CDH18: variants seen among roughly 807,000 people sequenced by gnomAD.
CDH18 encodes the protein cadherin 18.
CDH18 carries 31 observed loss-of-function variants against 67.9 expected under a neutral mutation model. That is an observed-to-expected ratio of 0.46 (90% CI 0.34 to 0.62). The LOEUF (loss-of-function observed/expected upper bound fraction) is 0.62, where lower values mean the gene tolerates loss of function less well. CDH18 is among the 20% of genes least tolerant of loss of function. CDH18 has a pLI of 0.01. For synonymous variants in CDH18, 362 were observed against 347.2 expected (o/e 1.04, Z -0.48); for missense variants, 890 against 975.5 (o/e 0.91, Z 1.17).
At chr5:20,540,485 T>C (rs1334824447) in intron 1 of CDH18, among the ~76,000 whole-genome samples, 4 of 152,188 alleles carry the variant, frequency 2.6e-5, no homozygotes, top group African/African-American at 9.6e-5. Context: ...TATGTCTATA[T>C]ATGATGTAAT....
chr5:19,492,052 C>G (rs923919311), intron 11 of CDH18, among the ~76,000 whole-genome samples: 2 of 151,768 alleles, frequency 1.3e-5, no homozygotes, highest in African/African-American at 4.8e-5. Context: ...AGTAGATATT[C>G]CTGATAGCAA....
chr5:20,419,480 T>G (rs1431341571), intron 1 of CDH18, among the ~76,000 whole-genome samples: 3 of 80,238 alleles, frequency 3.7e-5, no homozygotes, highest in African/African-American at 1.2e-4. Flanking sequence ...TTTTTTTTTT[T>G]TTTTTTTTTT....
intron 1 of CDH18, among the ~76,000 whole-genome samples, chr5:20,293,796 A>C (rs1484298261): frequency 1.3e-5 from 2 of 152,202 alleles, no homozygotes; most frequent in Non-Finnish European, 2.9e-5. Context: ...TATTATACAA[A>C]TAGTGTATTA....
intron 1 of CDH18, among the ~76,000 whole-genome samples, chr5:20,564,260 TTTTA>T (rs3039398): frequency 0.15 from 20,916 of 141,510 alleles, 1,627 homozygotes; most frequent in Middle Eastern, 0.22. Flanking sequence ...ATTATCACAG[TTTTA>T]TTTATTTATT....
intron 2 of CDH18, among the ~76,000 whole-genome samples, chr5:20,237,127 T>C (rs1742534616): frequency 6.6e-6 from 1 of 151,928 alleles, no homozygotes; most frequent in South Asian, 2.1e-4. Context: ...CCACTATACA[T>C]TCCTAATGAA....
chr5:19,632,026 T>A (rs943947291), intron 5 of CDH18, among the ~76,000 whole-genome samples: 1 of 152,184 alleles, frequency 6.6e-6, no homozygotes, highest in African/African-American at 2.4e-5. Context: ...CCACTCTATA[T>A]GAAAACACCT....
intron 2 of CDH18, among the ~76,000 whole-genome samples, chr5:20,238,841 T>A (rs1742669587): frequency 6.6e-6 from 1 of 152,122 alleles, no homozygotes; most frequent in Non-Finnish European, 1.5e-5. Flanking sequence ...TGATTAAACA[T>A]ATAAAGGCTA....
intron 2 of CDH18, among the ~76,000 whole-genome samples, chr5:20,224,253 A>C (rs1314763501): frequency 6.6e-6 from 1 of 152,140 alleles, no homozygotes; most frequent in East Asian, 1.9e-4. Flanking sequence ...ATCATCAAAC[A>C]ACCACAGGTA....
At chr5:20,471,629 G>A (rs947490353) in intron 1 of CDH18, among the ~76,000 whole-genome samples, 5 of 151,580 alleles carry the variant, frequency 3.3e-5, no homozygotes, top group African/African-American at 1.2e-4. Context: ...GTGAAACGCA[G>A]TCTCTACTAA....
At chr5:20,548,450 T>C (rs1466684610) in intron 1 of CDH18, among the ~76,000 whole-genome samples, 1 of 151,482 alleles carries the variant, frequency 6.6e-6, no homozygotes, top group Non-Finnish European at 1.5e-5. Flanking sequence ...TGTGTGTGTG[T>C]GTGTGTGTGT....
chr5:20,227,954 T>C (rs1181676582), intron 2 of CDH18, among the ~76,000 whole-genome samples: 1 of 152,162 alleles, frequency 6.6e-6, no homozygotes. Flanking sequence ...ACAGTATGAA[T>C]TAATAGCCTC....
At chr5:19,735,019 G>A (rs979938032) in intron 4 of CDH18, among the ~76,000 whole-genome samples, 1 of 152,156 alleles carries the variant, frequency 6.6e-6, no homozygotes, top group East Asian at 1.9e-4. Context: ...GTCCTCCCTC[G>A]GAGGCAAATG....
intron 7 of CDH18, among the ~76,000 whole-genome samples, chr5:19,572,591 G>A (rs1000189152): frequency 6.6e-6 from 1 of 152,134 alleles, no homozygotes. Flanking sequence ...TGTCTGGTAG[G>A]CATCCTCTTT....
intron 5 of CDH18, among the ~76,000 whole-genome samples, chr5:19,702,763 A>G (rs1370797038): frequency 6.6e-6 from 1 of 151,980 alleles, no homozygotes; most frequent in Non-Finnish European, 1.5e-5. Flanking sequence ...AAAACTGGCC[A>G]TAAACAAAAT....
chr5:20,096,633 T>C (rs535809438), intron 2 of CDH18, among the ~76,000 whole-genome samples: 119 of 152,200 alleles, frequency 7.8e-4, no homozygotes, highest in African/African-American at 2.7e-3. Context: ...TTCTTGAAAA[T>C]AACATTCACT....
chr5:20,572,855 C>T (rs1037493690), intron 1 of CDH18, among the ~76,000 whole-genome samples: 3 of 152,110 alleles, frequency 2.0e-5, no homozygotes, highest in Non-Finnish European at 4.4e-5. Context: ...CTAGAGCTCT[C>T]TCAACAATGC....
At chr5:20,419,944 C>T (rs10075065) in intron 1 of CDH18, among the ~76,000 whole-genome samples, 13,012 of 150,788 alleles carry the variant, frequency 0.086, 2,582 homozygotes, top group African/African-American at 0.31. Context: ...TTCTGAAAAA[C>T]AATCTCATTA....
chr5:20,057,294 GT>G (rs928691733), intron 2 of CDH18, among the ~76,000 whole-genome samples: 1 of 152,028 alleles, frequency 6.6e-6, no homozygotes, highest in African/African-American at 2.4e-5. Context: ...GTAACTGTCA[GT>G]TTTGACCTTT....
intron 11 of CDH18, among the ~76,000 whole-genome samples, chr5:19,493,064 T>A (rs999181833): frequency 5.4e-4 from 82 of 152,316 alleles, no homozygotes; most frequent in Non-Finnish European, 1.1e-3. Flanking sequence ...TATGTTGTTT[T>A]AATCTACTAC....
Sources: allele counts gnomAD v4.1 joint callset (sites outside exome capture counted in the v4.1 genomes callset), GRCh38; gene constraint gnomAD v4.1.1; transcripts MANE v1.5; gene names NCBI Gene and HGNC (gene_info 2026-07-23, HGNC 2026-07-21).